The following ZBTB38 variants were observed in gnomAD, a reference collection of about 807,000 sequenced individuals.
ZBTB38 encodes the protein zinc finger and BTB domain-containing protein 38.
Under a neutral mutation model 76.8 loss-of-function variants are expected in ZBTB38, and 20 were observed. That is an observed-to-expected ratio of 0.26 (90% CI 0.18 to 0.38). ZBTB38 has a LOEUF of 0.38. ZBTB38 is among the 10% of genes least tolerant of loss of function. ZBTB38 has a pLI of 1.00. For synonymous variants in ZBTB38, 504 were observed against 544.2 expected (o/e 0.93, Z 1.03); for missense variants, 1,082 against 1,482.3 (o/e 0.73, Z 4.43).
chr3:141,350,186 A>G (rs922220608), intron 1 of ZBTB38, among the ~76,000 whole-genome samples: 9 of 152,230 alleles, frequency 5.9e-5, no homozygotes, highest in Non-Finnish European at 1.2e-4. Context: ...ACGTTTACAC[A>G]TCGGGGATAA....
rs188870471 is a variant in ZBTB38, at chr3:141,413,341, C to T, written c.-1+9310C>T. 2.0e-5 allele frequency among the ~76,000 whole-genome samples: 3 copies of T among 152,328 alleles called. No homozygotes were observed. The highest frequency in any genetic ancestry group is 2.0e-4 in the Admixed American group (3 of 15,306). ...TCCCCAGACTGAGGAATCAGCTGCA[C>T]ATCCCCCTGATGTCTCTAAAGCTGA... On this transcript the variant is annotated intron_variant, in intron 5 of 5. Transcript: ENST00000321464. This position sits in a 1 kb window ranked among gnomAD's most constrained non-coding sequence, Gnocchi z 4.1.
At chr3:141,335,737 C>T (rs2871887) in intron 1 of ZBTB38, among the ~76,000 whole-genome samples, 89,214 of 152,118 alleles carry the variant, frequency 0.59, 28,898 homozygotes, top group African/African-American at 0.89. Flanking sequence ...TTGGTCCCAC[C>T]AGTTTCTATC....
intron 5 of ZBTB38, among the ~76,000 whole-genome samples, chr3:141,426,763 AC>A (rs1054947345): frequency 1.2e-4 from 18 of 152,330 alleles, no homozygotes; most frequent in African/African-American, 4.1e-4. Flanking sequence ...AAATTCCTGG[AC>A]TTTGAACAAA....
chr3:141,328,560 C>T (rs529415132), intron 1 of ZBTB38, among the ~76,000 whole-genome samples: 1 of 152,196 alleles, frequency 6.6e-6, no homozygotes, highest in African/African-American at 2.4e-5. Flanking sequence ...TGGGTCTAGG[C>T]CCTTCCCTCC....
At chr3:141,385,653 T>A (rs1285262840) in intron 3 of ZBTB38, among the ~76,000 whole-genome samples, 4 of 138,236 alleles carry the variant, frequency 2.9e-5, no homozygotes, top group Non-Finnish European at 4.8e-5. Context: ...GCTTTGAGTG[T>A]GTGTGTGTGT....
chr3:141,360,350 C>A lies in ZBTB38; in HGVS notation c.-738-8271C>A, dbSNP rs1038962547. On this transcript the variant is annotated intron_variant, in intron 1 of 7. Coordinates refer to the ZBTB38 transcript ENST00000509842. Reference sequence around the variant, plus strand: ...CCTTGATGCTTGTTTCGGCGTGTGCCTGGAGTGAGGGATGAACGTCTTAAG... The same window carrying A: ...CCTTGATGCTTGTTTCGGCGTGTGCATGGAGTGAGGGATGAACGTCTTAAG... 6.6e-5 allele frequency among the ~76,000 whole-genome samples: 10 copies of A among 152,098 alleles called. No homozygotes were observed. In the South Asian group the frequency reaches 1.9e-3, roughly 28 times the overall value.
At chr3:141,352,892 G>A (rs1364276293) in intron 1 of ZBTB38, among the ~76,000 whole-genome samples, 3 of 151,984 alleles carry the variant, frequency 2.0e-5, no homozygotes, top group Non-Finnish European at 4.4e-5. Flanking sequence ...GAAGACACTC[G>A]ACTGCAAAAT....
chr3:141,344,916 A>G (rs1943301490), intron 1 of ZBTB38, among the ~76,000 whole-genome samples: 1 of 152,250 alleles, frequency 6.6e-6, no homozygotes, highest in Admixed American at 6.5e-5. Flanking sequence ...GGACCTGGAC[A>G]TCTTTGGGGG....
At chr3:141,429,775 G>A (rs375075598) in intron 5 of ZBTB38, among the ~76,000 whole-genome samples, 9 of 152,362 alleles carry the variant, frequency 5.9e-5, no homozygotes, top group African/African-American at 1.9e-4. Flanking sequence ...CCTGAAGCAC[G>A]AGTCTGAGCC....
intron 4 of ZBTB38, among the ~76,000 whole-genome samples, chr3:141,403,651 A>C (rs553992752): frequency 6.6e-6 from 1 of 152,318 alleles, no homozygotes; most frequent in East Asian, 1.9e-4. Flanking sequence ...AATCAATTGA[A>C]TCTGGATTTG....
upstream of ZBTB38, among the ~76,000 whole-genome samples, chr3:141,363,706 T>TG (rs1324953108): frequency 6.6e-6 from 1 of 152,220 alleles, no homozygotes; most frequent in Admixed American, 6.5e-5. Context: ...TTTAGAATAG[T>TG]TTTATATGTA....
rs2075534785 is a variant in ZBTB38, at chr3:141,422,171, C to A, written c.-1+18140C>A. ...AGCAGAATGGGCAGGCTCAGCAATG[C>A]AGAAAGAGCCCAGCCTTTCCAGGAG... On this transcript the variant is annotated intron_variant, in intron 5 of 5. Transcript: ENST00000321464. Among the ~76,000 whole-genome samples the A allele has an allele frequency of 2.0e-5, 3 of 152,258 alleles. No individual in the cohort carries two copies. The South Asian group carries it at 6.2e-4, about 31-fold the overall frequency.
At chr3:141,434,143 C>A in intron 5 of ZBTB38, 1 of 961,560 alleles carries the variant, frequency 1.0e-6, no homozygotes, top group Non-Finnish European at 1.2e-6. Context: ...ATGCATGATA[C>A]CGTACATTGT....
chr3:141,341,711 G>C (rs1226679684), intron 1 of ZBTB38, among the ~76,000 whole-genome samples: 1 of 152,232 alleles, frequency 6.6e-6, no homozygotes, highest in Non-Finnish European at 1.5e-5. Context: ...GAACTGCATA[G>C]CAGAGGCAAA....
At chr3:141,431,341 A>AAAAAAAATATATATATATAT in intron 5 of ZBTB38, among the ~76,000 whole-genome samples, 46 of 103,240 alleles carry the variant, frequency 4.5e-4, no homozygotes, top group Non-Finnish European at 6.2e-4. Context: ...AAAAAAAAAA[A>AAAAAAAATATATATATATAT]ATATATATAT....
intron 5 of ZBTB38, among the ~76,000 whole-genome samples, chr3:141,415,869 T>G (rs1457920092): frequency 1.3e-5 from 2 of 152,192 alleles, no homozygotes; most frequent in Admixed American, 1.3e-4. Context: ...CTTCTGGCCT[T>G]GGAAACCCTG....
chr3:141,347,480 A>G (rs1412903437), intron 1 of ZBTB38, among the ~76,000 whole-genome samples: 1 of 152,214 alleles, frequency 6.6e-6, no homozygotes, highest in Admixed American at 6.5e-5. Context: ...CTAAGGAAGG[A>G]CCACGCTGTG....
intron 5 of ZBTB38, among the ~76,000 whole-genome samples, chr3:141,406,797 A>G (rs1459031874): frequency 6.6e-6 from 1 of 152,156 alleles, no homozygotes. Flanking sequence ...GGGGGTTCCT[A>G]ATGGAGGGAG....
At chr3:141,400,841 T>C (rs1000321817) in intron 4 of ZBTB38, among the ~76,000 whole-genome samples, 31 of 152,256 alleles carry the variant, frequency 2.0e-4, no homozygotes, top group African/African-American at 7.5e-4. Context: ...TTGAGCTAAC[T>C]TGCCTAAAGT....
Sources: gnomAD v4.1 joint callset for allele counts (sites outside exome capture counted in the v4.1 genomes callset) on GRCh38, gnomAD v4.1.1 for gene constraint, Gnocchi (gnomAD v3.1) non-coding constraint, MANE v1.5 for transcripts, NCBI Gene and HGNC (gene_info 2026-07-23, HGNC 2026-07-21) for gene names.